Variants in FAM227B observed in about 807,000 individuals in gnomAD.
The protein encoded by FAM227B is family with sequence similarity 227 member B.
In FAM227B, 88 loss-of-function variants were observed where a neutral mutation model predicts 73.8. That is an observed-to-expected ratio of 1.19 (90% CI 1.00 to 1.42). FAM227B has a LOEUF of 1.42. FAM227B is among the 40% of genes most tolerant of loss of function. The pLI, the probability that FAM227B is intolerant of heterozygous loss-of-function variation, is 0.00. For synonymous variants in FAM227B, 210 were observed against 190.5 expected, an observed-to-expected ratio of 1.10 and a Z score of -0.84; for missense variants, 632 against 590.9, an observed-to-expected ratio of 1.07 and a Z score of -0.72.
chr15:49,579,344 C>T (rs2075665500), intron 5 of FAM227B, among the ~76,000 whole-genome samples: 1 of 152,186 alleles, frequency 6.6e-6, no homozygotes, highest in Non-Finnish European at 1.5e-5. Flanking sequence ...GATACCTGCA[C>T]TCTCAGGTTT....
At chr15:49,586,206 A>G (rs1456117787) in intron 5 of FAM227B, among the ~76,000 whole-genome samples, 1 of 152,172 alleles carries the variant, frequency 6.6e-6, no homozygotes, top group Non-Finnish European at 1.5e-5. Context: ...GACCAATGGA[A>G]CAGAATAAAG....
intron 10 of FAM227B, among the ~76,000 whole-genome samples, chr15:49,536,072 C>CAAAAAAAAAAAAAAAAAAAAA (rs59203003): frequency 1.8e-5 from 2 of 114,012 alleles, no homozygotes; most frequent in East Asian, 2.4e-4. Flanking sequence ...GGCAATCAGA[C>CAAAAAAAAAAAAAAAAAAAAA]AAAAAAAAAA....
At chr15:49,396,305 G>C (rs112497826) in intron 11 of FAM227B, 1 of 400,946 alleles carries the variant, frequency 2.5e-6, no homozygotes, top group Non-Finnish European at 4.9e-6. Context: ...AAAAAGCGGC[G>C]CACCACGAGA....
chr15:49,469,010 A>G (rs1195536449), intron 11 of FAM227B, among the ~76,000 whole-genome samples: 1 of 152,202 alleles, frequency 6.6e-6, no homozygotes, highest in African/African-American at 2.4e-5. Flanking sequence ...AAAAAAATAC[A>G]GCTACATGTT....
chr15:49,561,122 C>G (rs2074224652), intron 9 of FAM227B, among the ~76,000 whole-genome samples: 1 of 152,104 alleles, frequency 6.6e-6, no homozygotes. Context: ...TATCTACTTT[C>G]CTCAAGAGAC....
chr15:49,550,821 C>T (rs373087655), intron 9 of FAM227B, among the ~76,000 whole-genome samples: 8 of 151,386 alleles, frequency 5.3e-5, no homozygotes, highest in East Asian at 2.0e-4. Context: ...CAGAGGGGCT[C>T]CTCACGTCCC....
intron 11 of FAM227B, among the ~76,000 whole-genome samples, chr15:49,489,822 T>TATA (rs2056784779): frequency 6.2e-5 from 2 of 32,352 alleles, no homozygotes; most frequent in Admixed American, 8.7e-4. Context: ...TATATATATT[T>TATA]TATATATATA....
At chr15:49,598,957 C>A (rs56053668) in intron 3 of FAM227B, among the ~76,000 whole-genome samples, 28,455 of 151,976 alleles carry the variant, frequency 0.19, 3,124 homozygotes, top group East Asian at 0.36. Flanking sequence ...CTAGCCTCAT[C>A]AAATAAATTT....
chr15:49,500,396 C>G (rs1307060635), intron 11 of FAM227B, among the ~76,000 whole-genome samples: 4 of 152,216 alleles, frequency 2.6e-5, no homozygotes, highest in South Asian at 2.1e-4. Flanking sequence ...TGCCCAAGGC[C>G]TTTGGTGCCC....
intron 10 of FAM227B, among the ~76,000 whole-genome samples, chr15:49,529,324 G>A (rs1394723668): frequency 2.0e-5 from 3 of 151,564 alleles, no homozygotes; most frequent in Non-Finnish European, 3.0e-5. Flanking sequence ...CCAAAAGAGG[G>A]GAGGTTGAGA....
intron 11 of FAM227B, among the ~76,000 whole-genome samples, chr15:49,449,184 A>C (rs2052499655): frequency 6.6e-6 from 1 of 151,960 alleles, no homozygotes; most frequent in Non-Finnish European, 1.5e-5. Context: ...ACTAAGTCTA[A>C]GTTTTTCTTG....
intron 10 of FAM227B, among the ~76,000 whole-genome samples, chr15:49,538,360 T>C (rs1246090067): frequency 6.6e-6 from 1 of 152,100 alleles, no homozygotes; most frequent in Admixed American, 6.5e-5. Context: ...CTTCATCAGT[T>C]TGGCCGCAGA....
intron 10 of FAM227B, among the ~76,000 whole-genome samples, chr15:49,537,417 A>G (rs1598002898): frequency 6.6e-6 from 1 of 152,200 alleles, no homozygotes; most frequent in Non-Finnish European, 1.5e-5. Flanking sequence ...AGAGATTAAA[A>G]AAATTGGTAA....
chr15:49,552,022 A>G (rs1017511622), intron 9 of FAM227B, among the ~76,000 whole-genome samples: 5 of 152,210 alleles, frequency 3.3e-5, no homozygotes, highest in African/African-American at 9.6e-5. Context: ...TAGTTTACAC[A>G]CAACAGTTGC....
intron 10 of FAM227B, among the ~76,000 whole-genome samples, chr15:49,517,878 C>G (rs906938104): frequency 3.3e-5 from 5 of 152,226 alleles, no homozygotes; most frequent in African/African-American, 1.2e-4. Flanking sequence ...TAAATAGACT[C>G]ATACAGCATC....
chr15:49,612,024 C>G (rs2077957655), intron 2 of FAM227B, among the ~76,000 whole-genome samples: 1 of 148,620 alleles, frequency 6.7e-6, no homozygotes, highest in South Asian at 2.1e-4. Context: ...GCAATCATGG[C>G]TGAATTTTCT....
chr15:49,518,246 C>T (rs1396616333), intron 10 of FAM227B, among the ~76,000 whole-genome samples: 2 of 152,134 alleles, frequency 1.3e-5, no homozygotes, highest in Non-Finnish European at 2.9e-5. Flanking sequence ...TGCACTCTCA[C>T]CAGCATGGTT....
chr15:49,467,197 C>T (rs1597383489), intron 11 of FAM227B, among the ~76,000 whole-genome samples: 2 of 152,110 alleles, frequency 1.3e-5, no homozygotes, highest in East Asian at 3.8e-4. Context: ...GCTGCTGTCT[C>T]TGAATTAGAT....
At chr15:49,613,588 A>G (rs2078095834) in intron 2 of FAM227B, among the ~76,000 whole-genome samples, 1 of 152,122 alleles carries the variant, frequency 6.6e-6, no homozygotes, top group African/African-American at 2.4e-5. Flanking sequence ...AGTCAACAAT[A>G]ATTTACTGCA....
Sources: gnomAD v4.1 joint callset for allele counts (sites outside exome capture counted in the v4.1 genomes callset) on GRCh38, gnomAD v4.1.1 for gene constraint, MANE v1.5 for transcripts, NCBI Gene and HGNC (gene_info 2026-07-23, HGNC 2026-07-21) for gene names.